CFAP20DC: variants seen among roughly 807,000 people sequenced by gnomAD.
CFAP20DC encodes the protein protein CFAP20DC.
Under a neutral mutation model 101.7 loss-of-function variants are expected in CFAP20DC, and 84 were observed. The observed-to-expected ratio is 0.83, with a 90% CI of 0.69 to 0.99. The LOEUF (loss-of-function observed/expected upper bound fraction) is 0.99, where lower values mean the gene tolerates loss of function less well. CFAP20DC is among the 50% of genes least tolerant of loss of function. The pLI, the probability that CFAP20DC is intolerant of heterozygous loss-of-function variation, is 0.00. For synonymous variants in CFAP20DC, 359 were observed against 351.2 expected, an observed-to-expected ratio of 1.02 and a Z score of -0.25; for missense variants, 1,007 against 970.3, an observed-to-expected ratio of 1.04 and a Z score of -0.50.
intron 4 of CFAP20DC, among the ~76,000 whole-genome samples, chr3:58,989,548 C>G (rs1352735079): frequency 6.6e-6 from 1 of 151,962 alleles, no homozygotes; most frequent in Non-Finnish European, 1.5e-5. Context: ...TTCCACTCTA[C>G]CTAAGGAAGA....
chr3:58,922,433 G>A (rs896563068), intron 5 of CFAP20DC, among the ~76,000 whole-genome samples: 1 of 152,222 alleles, frequency 6.6e-6, no homozygotes, highest in African/African-American at 2.4e-5. Flanking sequence ...ATGGGGCCTG[G>A]TGGGGGTGTT....
In CFAP20DC at chr3:58,785,138, G is replaced by A. The variant is rs76658589; in HGVS notation, c.2237+21257C>T. Among the ~76,000 whole-genome samples the A allele has an allele frequency of 9.9e-3, 1,505 of 152,112 alleles. 23 individuals carry two copies. Among genetic ancestry groups the A allele is most frequent in the African/African-American group, 0.035 (1,455 of 41,514 alleles). On this transcript the variant is annotated intron_variant, in intron 15 of 16. Transcript: ENST00000482387. ...TATTATTGTCTTTGCAGCAACATGG[G>A]TGGGACCAGAGGTCGTTATGTTAAG... is the stretch of plus-strand genomic sequence containing the variant.
chr3:58,911,913 G>A (rs1421770843), intron 6 of CFAP20DC, among the ~76,000 whole-genome samples: 4 of 152,026 alleles, frequency 2.6e-5, no homozygotes, highest in Non-Finnish European at 5.9e-5. Context: ...CCTGTTTTCA[G>A]CCCTCATCCT....
intron 15 of CFAP20DC, chr3:58,794,198 G>A: frequency 2.9e-6 from 1 of 339,174 alleles, no homozygotes; most frequent in South Asian, 2.3e-5. Flanking sequence ...GTGGGAAGCT[G>A]CCTTCTAACC....
At chr3:58,939,189 C>G (rs1256616322) in intron 4 of CFAP20DC, among the ~76,000 whole-genome samples, 1 of 152,020 alleles carries the variant, frequency 6.6e-6, no homozygotes. Context: ...TATATATTTT[C>G]TAAATAAATG....
chr3:58,735,176 C>G (rs924762540), intron 3 of CFAP20DC, among the ~76,000 whole-genome samples: 1 of 152,190 alleles, frequency 6.6e-6, no homozygotes, highest in Non-Finnish European at 1.5e-5. Context: ...CCAGTGGCTT[C>G]CATCATTTTC....
At chr3:58,773,993 AT>A (rs879533130) in intron 15 of CFAP20DC, among the ~76,000 whole-genome samples, 267 of 146,836 alleles carry the variant, frequency 1.8e-3, no homozygotes, top group East Asian at 2.0e-3. Context: ...TTCCTTTCAA[AT>A]TTTTTTTTTT....
chr3:58,778,492 C>A (rs192731959), intron 15 of CFAP20DC, among the ~76,000 whole-genome samples: 1 of 152,374 alleles, frequency 6.6e-6, no homozygotes, highest in African/African-American at 2.4e-5. Flanking sequence ...CTTGCAGCTA[C>A]TGCCAACACC....
At chr3:58,787,718 C>A (rs2072484239) in intron 15 of CFAP20DC, among the ~76,000 whole-genome samples, 1 of 152,044 alleles carries the variant, frequency 6.6e-6, no homozygotes, top group South Asian at 2.1e-4. Flanking sequence ...TTTACAATAG[C>A]AAAGACTTGG....
intron 5 of CFAP20DC, among the ~76,000 whole-genome samples, chr3:58,924,995 T>C (rs1049702506): frequency 6.6e-6 from 1 of 152,044 alleles, no homozygotes; most frequent in African/African-American, 2.4e-5. Flanking sequence ...TATTTCTCTA[T>C]TTATGTTCCC....
At chr3:58,727,223 T>C (rs530320459) in intron 3 of CFAP20DC, 1 of 154,126 alleles carries the variant, frequency 6.5e-6, no homozygotes, top group African/African-American at 2.4e-5. Context: ...CATTGAAGAA[T>C]ATGTCCTCCT....
chr3:58,925,204 C>T (rs1158253297), intron 5 of CFAP20DC, among the ~76,000 whole-genome samples: 1 of 152,066 alleles, frequency 6.6e-6, no homozygotes, highest in Non-Finnish European at 1.5e-5. Context: ...CTATGCTGGA[C>T]ATTGTGACTA....
intron 6 of CFAP20DC, among the ~76,000 whole-genome samples, chr3:58,905,348 G>A (rs1363698099): frequency 6.6e-6 from 1 of 151,852 alleles, no homozygotes; most frequent in African/African-American, 2.4e-5. Flanking sequence ...TATGCATTCT[G>A]GTTTTTATCT....
chr3:58,733,647 T>C (rs947975089), intron 3 of CFAP20DC, among the ~76,000 whole-genome samples: 2 of 152,242 alleles, frequency 1.3e-5, no homozygotes, highest in Non-Finnish European at 2.9e-5. Flanking sequence ...TGAACATTTA[T>C]AGTGGAGTCA....
intron 12 of CFAP20DC, among the ~76,000 whole-genome samples, chr3:58,853,798 G>A (rs1351984303): frequency 4.6e-5 from 7 of 152,076 alleles, no homozygotes; most frequent in African/African-American, 9.7e-5. Flanking sequence ...TTCATGCTAA[G>A]AACTCTCAAT....
chr3:58,994,283 G>A (rs1483260727), intron 4 of CFAP20DC, among the ~76,000 whole-genome samples: 2 of 152,144 alleles, frequency 1.3e-5, no homozygotes, highest in African/African-American at 2.4e-5. Flanking sequence ...AGCCTGCAGT[G>A]CTCTCATTGC....
chr3:58,960,324 C>T (rs1428673353), intron 4 of CFAP20DC, among the ~76,000 whole-genome samples: 1 of 151,176 alleles, frequency 6.6e-6, no homozygotes, highest in African/African-American at 2.4e-5. Context: ...GAAACCCCAT[C>T]TCTACTGAAA....
chr3:58,759,263 T>C (rs1441260326), intron 15 of CFAP20DC, among the ~76,000 whole-genome samples: 1 of 152,234 alleles, frequency 6.6e-6, no homozygotes, highest in Non-Finnish European at 1.5e-5. Context: ...CATTGTGGTT[T>C]TGATTTGCAT....
At chr3:58,885,329 T>G (rs2081537487) in intron 6 of CFAP20DC, among the ~76,000 whole-genome samples, 1 of 152,088 alleles carries the variant, frequency 6.6e-6, no homozygotes, top group African/African-American at 2.4e-5. Flanking sequence ...TTTATATGGA[T>G]ATATTAATTG....
Sources: gnomAD v4.1 joint callset for allele counts (sites outside exome capture counted in the v4.1 genomes callset) on GRCh38, gnomAD v4.1.1 for gene constraint, MANE v1.5 for transcripts, NCBI Gene and HGNC (gene_info 2026-07-23, HGNC 2026-07-21) for gene names.